Variants in PARG observed in about 807,000 individuals in gnomAD.
PARG encodes the protein mitochondrial poly(ADP-ribose) glycohydrolase.
PARG carries 35 observed loss-of-function variants against 113.0 expected under a neutral mutation model. The observed-to-expected ratio is 0.31, with a 90% CI of 0.24 to 0.41. The LOEUF is 0.41. Among genes scored for constraint, PARG ranks in the 10% least tolerant of loss-of-function variants. PARG has a pLI of 1.00. For synonymous variants in PARG, 330 were observed against 409.9 expected (o/e 0.81, Z 2.36); for missense variants, 797 against 1,169.4 (o/e 0.68, Z 4.64).
chr10:49,827,803 C>T (rs1422850236), intron 16 of PARG, among the ~76,000 whole-genome samples: 1 of 152,022 alleles, frequency 6.6e-6, no homozygotes, highest in Non-Finnish European at 1.5e-5. Flanking sequence ...TTATACCTTT[C>T]AGAGACACCT....
chr10:49,921,871 G>A (rs1221324362), intron 6 of PARG, among the ~76,000 whole-genome samples: 1 of 151,750 alleles, frequency 6.6e-6, no homozygotes, highest in Admixed American at 6.6e-5. Flanking sequence ...CAAAATATAA[G>A]ATTAATAAAT....
chr10:49,894,567 G>A (rs1337065913), intron 7 of PARG, among the ~76,000 whole-genome samples: 2 of 152,056 alleles, frequency 1.3e-5, no homozygotes, highest in African/African-American at 4.8e-5. Flanking sequence ...GTGGGAAGGG[G>A]CAATTTTTTT....
intron 7 of PARG, among the ~76,000 whole-genome samples, chr10:49,895,681 C>A (rs1848048460): frequency 6.6e-6 from 1 of 152,094 alleles, no homozygotes; most frequent in East Asian, 1.9e-4. Flanking sequence ...GCTGGGATTA[C>A]AAGTGTGAGC....
At position 49,922,362 on chromosome 10, in the gene PARG, T is replaced by G; in HGVS notation, c.1636A>C (p.Lys546Gln). The G allele has an allele frequency of 6.2e-7, 1 of 1,605,074 alleles. No individual in the cohort carries two copies. The highest frequency in any genetic ancestry group is 8.5e-7 in the Non-Finnish European group (1 of 1,176,490). Residue 546 changes from lysine to glutamine, a missense_variant, in exon 6 of 18, where the codon AAA (lysine) becomes CAA (glutamine). By Grantham distance (53) the Lys-to-Gln change is moderately conservative (BLOSUM62 1). Around this residue, in one of 5 missense-constraint regions of PARG, gnomAD observed 252 missense variants for 437.4 expected, o/e 0.58. Transcript: ENST00000616448. ...WELIQTALLNKFTRPQNLKDA... is the reference protein window; with the variant it reads ...WELIQTALLNQFTRPQNLKDA... ...TTCAAGTTTTGGGGTCGTGTAAATT[T>G]GTTGAGAAGTGCAGTCTGAATGAGC...
chr10:49,895,155 A>C (rs1209284897), intron 7 of PARG, among the ~76,000 whole-genome samples: 1 of 152,292 alleles, frequency 6.6e-6, no homozygotes, highest in Admixed American at 6.5e-5. Flanking sequence ...CCACATCCTG[A>C]GAGTCCAGGT....
At chr10:49,911,275 T>C (rs1554846159) in intron 7 of PARG, among the ~76,000 whole-genome samples, 1 of 148,136 alleles carries the variant, frequency 6.8e-6, no homozygotes, top group Non-Finnish European at 1.5e-5. Flanking sequence ...AGAGAAAGAC[T>C]GTGTCTCAAA....
chr10:49,828,264 G>A (rs1844473364), intron 16 of PARG, among the ~76,000 whole-genome samples: 1 of 152,080 alleles, frequency 6.6e-6, no homozygotes. Context: ...CACATGAACT[G>A]TTTTATGTTT....
rs146157507 is a variant in PARG at position 49,830,483 on chromosome 10, C to A, written c.2647+2320G>T. Among the ~76,000 whole-genome samples, 101 of 152,272 alleles carry A rather than the reference C, an allele frequency of 6.6e-4. 1 individual carries two copies. The East Asian group carries it at 0.018, about 27-fold the overall frequency. On this transcript the variant is annotated intron_variant, in intron 16 of 17. Transcript: ENST00000616448. ...AAATGTGAACACATAAAAGCTAACT[C>A]AGTAACTTCAGCCTGATCGGTTGAA...
At chr10:49,902,498 T>G (rs1411049658) in intron 7 of PARG, among the ~76,000 whole-genome samples, 1 of 152,136 alleles carries the variant, frequency 6.6e-6, no homozygotes, top group Admixed American at 6.5e-5. Flanking sequence ...CTTACAGAGC[T>G]CAGAAATCCA....
intron 15 of PARG, among the ~76,000 whole-genome samples, chr10:49,840,418 A>G (rs531887340): frequency 6.7e-6 from 1 of 149,292 alleles, no homozygotes; most frequent in East Asian, 2.0e-4. Flanking sequence ...AAACACAACA[A>G]AAAAAAAAAT....
intron 7 of PARG, among the ~76,000 whole-genome samples, chr10:49,893,232 G>A (rs1254586256): frequency 6.6e-6 from 1 of 151,934 alleles, no homozygotes; most frequent in Non-Finnish European, 1.5e-5. Flanking sequence ...GCTCCATATC[G>A]CTACCTACAT....
chr10:49,842,109 A>G (rs374575172), intron 14 of PARG, 51 bp from the exon 15 acceptor site: 74 of 1,270,788 alleles, frequency 5.8e-5, no homozygotes, highest in Non-Finnish European at 7.8e-5. Flanking sequence ...TAGTCGCTCA[A>G]ATAAAATCCT....
At chr10:49,910,236 A>T (rs1837094423) in intron 7 of PARG, among the ~76,000 whole-genome samples, 1 of 152,118 alleles carries the variant, frequency 6.6e-6, no homozygotes, top group South Asian at 2.1e-4. Flanking sequence ...AGATGATAGG[A>T]GAATGCGTAG....
intron 7 of PARG, among the ~76,000 whole-genome samples, chr10:49,896,753 T>C (rs1461289626): frequency 6.6e-6 from 1 of 152,230 alleles, no homozygotes; most frequent in Non-Finnish European, 1.5e-5. Flanking sequence ...TAGATTTCAT[T>C]TGCTAATATT....
chr10:49,931,284 C>A (rs1838465683), intron 4 of PARG, among the ~76,000 whole-genome samples: 1 of 152,022 alleles, frequency 6.6e-6, no homozygotes, highest in African/African-American at 2.4e-5. Context: ...AGCCCTTTCC[C>A]AAAAGAAACC....
intron 6 of PARG, among the ~76,000 whole-genome samples, chr10:49,919,679 C>T (rs1269073717): frequency 6.6e-6 from 1 of 152,034 alleles, no homozygotes; most frequent in Non-Finnish European, 1.5e-5. Context: ...AAAAATTAGC[C>T]CAGTGTGGTG....
intron 1 of PARG, 118 bp from the exon 2 acceptor site, chr10:49,935,260 T>C (rs1410870499): frequency 3.4e-6 from 2 of 589,986 alleles, no homozygotes; most frequent in African/African-American, 3.8e-5. Flanking sequence ...ATAACTCAAG[T>C]ATTTGCCCTC....
intron 7 of PARG, among the ~76,000 whole-genome samples, chr10:49,892,295 A>G (rs1168329207): frequency 6.6e-6 from 1 of 152,210 alleles, no homozygotes; most frequent in Non-Finnish European, 1.5e-5. Flanking sequence ...AAGAAATATT[A>G]CCCACAAGCC....
At chr10:49,888,854 C>T (rs1414987370) in intron 7 of PARG, among the ~76,000 whole-genome samples, 2 of 152,108 alleles carry the variant, frequency 1.3e-5, no homozygotes, top group African/African-American at 2.4e-5. Context: ...CACAAAGACA[C>T]AAATGTTATA....
Sources: gnomAD v4.1 joint callset for allele counts (sites outside exome capture counted in the v4.1 genomes callset) on GRCh38, gnomAD v4.1.1 for gene constraint, gnomAD v4.1.1 regional missense constraint, MANE v1.5 for transcripts, NCBI Gene and HGNC (gene_info 2026-07-23, HGNC 2026-07-21) for gene names.